The following EDIL3 variants were observed in gnomAD, a reference collection of about 807,000 sequenced individuals.
EDIL3 encodes EGF-like repeat and discoidin I-like domain-containing protein 3.
In EDIL3, 37 loss-of-function variants were observed where a neutral mutation model predicts 67.4. That is an observed-to-expected ratio of 0.55 (90% CI 0.42 to 0.72). The LOEUF is 0.72. Ranked by LOEUF, EDIL3 falls within the 30% of genes least tolerant of loss-of-function variation. The pLI, the probability that EDIL3 is intolerant of heterozygous loss-of-function variation, is 0.00. For synonymous variants in EDIL3, 195 were observed against 196.3 expected, an observed-to-expected ratio of 0.99 and a Z score of 0.05; for missense variants, 527 against 586.3, an observed-to-expected ratio of 0.90 and a Z score of 1.04.
chr5:84,086,743 G>A (rs955521649), intron 6 of EDIL3, among the ~76,000 whole-genome samples: 3 of 152,140 alleles, frequency 2.0e-5, no homozygotes, highest in Non-Finnish European at 2.9e-5. Context: ...TCAGTTGTGA[G>A]TGACAGAAAA....
At chr5:84,151,640 C>A (rs1748395787) in intron 4 of EDIL3, among the ~76,000 whole-genome samples, 1 of 152,094 alleles carries the variant, frequency 6.6e-6, no homozygotes, top group South Asian at 2.1e-4. Context: ...AGTATCATTG[C>A]AAGATTTTCT....
intron 9 of EDIL3, among the ~76,000 whole-genome samples, chr5:83,986,050 G>A (rs896631733): frequency 1.3e-5 from 2 of 152,022 alleles, no homozygotes; most frequent in Admixed American, 1.3e-4. Context: ...AATTCTTACT[G>A]GGAAAAGTGA....
intron 1 of EDIL3, among the ~76,000 whole-genome samples, chr5:84,358,539 A>T (rs2112198257): frequency 6.6e-6 from 1 of 151,980 alleles, no homozygotes; most frequent in South Asian, 2.1e-4. Context: ...AAGCTAAGCA[A>T]ACAGTTTTGG....
chr5:84,242,291 A>G (rs185742721), intron 2 of EDIL3, among the ~76,000 whole-genome samples: 79 of 152,216 alleles, frequency 5.2e-4, no homozygotes, highest in Admixed American at 1.4e-3. Flanking sequence ...CCCCAGTTTT[A>G]CAGATGAGGA....
At chr5:84,169,382 T>C (rs536017241) in intron 4 of EDIL3, among the ~76,000 whole-genome samples, 1 of 152,198 alleles carries the variant, frequency 6.6e-6, no homozygotes, top group African/African-American at 2.4e-5. Context: ...AGTCCAATCT[T>C]ATTCAGATTT....
At chr5:84,257,234 T>C (rs931974209) in intron 1 of EDIL3, among the ~76,000 whole-genome samples, 4 of 152,164 alleles carry the variant, frequency 2.6e-5, no homozygotes, top group African/African-American at 9.6e-5. Flanking sequence ...ATGATAATGC[T>C]AAATCGAGTC....
chr5:84,310,029 G>A (rs1746352479), intron 1 of EDIL3, among the ~76,000 whole-genome samples: 1 of 152,100 alleles, frequency 6.6e-6, no homozygotes, highest in Admixed American at 6.6e-5. Flanking sequence ...CTCAATTCCA[G>A]AGATGCCTTA....
At chr5:84,217,306 A>C (rs1161541685) in intron 3 of EDIL3, among the ~76,000 whole-genome samples, 2 of 152,172 alleles carry the variant, frequency 1.3e-5, no homozygotes, top group South Asian at 2.1e-4. Context: ...ATTTTCTCTG[A>C]AATAGGTTCT....
At chr5:84,107,949 G>A (rs920586891) in intron 5 of EDIL3, among the ~76,000 whole-genome samples, 3 of 150,552 alleles carry the variant, frequency 2.0e-5, no homozygotes, top group Non-Finnish European at 4.4e-5. Context: ...TAATATATAC[G>A]ATAATTGTAT....
At chr5:84,191,373 G>A (rs1743582062) in intron 3 of EDIL3, among the ~76,000 whole-genome samples, 1 of 152,030 alleles carries the variant, frequency 6.6e-6, no homozygotes, top group African/African-American at 2.4e-5. Context: ...TGCAGGAGAT[G>A]TTCCTGCTGC....
intron 9 of EDIL3, among the ~76,000 whole-genome samples, chr5:84,016,712 C>G (rs1745613303): frequency 1.3e-5 from 2 of 152,132 alleles, no homozygotes; most frequent in African/African-American, 4.8e-5. Context: ...CCTGGTTACT[C>G]CTGGGCCTCA....
intron 6 of EDIL3, among the ~76,000 whole-genome samples, chr5:84,103,741 A>G (rs1287831627): frequency 2.6e-5 from 4 of 152,100 alleles, no homozygotes; most frequent in Non-Finnish European, 5.9e-5. Flanking sequence ...GGTTGAGGAG[A>G]AAAGGGAATG....
chr5:83,975,311 G>A (rs141866642), intron 9 of EDIL3, among the ~76,000 whole-genome samples: 48 of 152,018 alleles, frequency 3.2e-4, no homozygotes, highest in Non-Finnish European at 3.4e-4. Context: ...AAAAATCACA[G>A]TCTTAAGCTC....
intron 9 of EDIL3, among the ~76,000 whole-genome samples, chr5:84,042,526 C>T (rs11749672): frequency 0.24 from 36,169 of 152,056 alleles, 4,409 homozygotes; most frequent in African/African-American, 0.27. Flanking sequence ...AGGTGATCTG[C>T]CTGCCTCGGC....
chr5:84,341,015 G>T (rs1414412915), intron 1 of EDIL3, among the ~76,000 whole-genome samples: 2 of 151,920 alleles, frequency 1.3e-5, no homozygotes, highest in African/African-American at 2.4e-5. Flanking sequence ...GCTCAGGGAA[G>T]ACTTAACAGA....
intron 9 of EDIL3, among the ~76,000 whole-genome samples, chr5:83,996,586 T>C (rs1265937811): frequency 1.3e-5 from 2 of 152,170 alleles, no homozygotes; most frequent in Non-Finnish European, 2.9e-5. Flanking sequence ...ACTGGGCTTT[T>C]GCTAGGTTCT....
chr5:84,261,298 AC>A (rs1745219382), intron 1 of EDIL3, among the ~76,000 whole-genome samples: 1 of 152,216 alleles, frequency 6.6e-6, no homozygotes, highest in Non-Finnish European at 1.5e-5. Context: ...ATTGTGTGGA[AC>A]AAAATAAATG....
At chr5:84,247,381 T>G (rs2112067682) in intron 2 of EDIL3, among the ~76,000 whole-genome samples, 1 of 152,248 alleles carries the variant, frequency 6.6e-6, no homozygotes, top group East Asian at 1.9e-4. Context: ...TCATGAACAC[T>G]AACAAGAAGT....
intron 4 of EDIL3, among the ~76,000 whole-genome samples, chr5:84,178,445 G>A (rs1260629355): frequency 2.6e-5 from 4 of 152,112 alleles, no homozygotes; most frequent in African/African-American, 9.7e-5. Flanking sequence ...TTTCCTAGCT[G>A]AAGAAGCTTC....
Sources: gnomAD v4.1 joint callset for allele counts (sites outside exome capture counted in the v4.1 genomes callset) on GRCh38, gnomAD v4.1.1 for gene constraint, MANE v1.5 for transcripts, NCBI Gene and HGNC (gene_info 2026-07-23, HGNC 2026-07-21) for gene names.